OAS3: variants seen among roughly 807,000 people sequenced by gnomAD.
The protein encoded by OAS3 is 2'-5'-oligoadenylate synthase 3.
Under a neutral mutation model 113.0 loss-of-function variants are expected in OAS3, and 107 were observed. The ratio of observed to expected loss-of-function variants is 0.95; its 90% CI spans 0.81 to 1.11. The LOEUF is 1.11. Among genes scored for constraint, OAS3 ranks in the 50% most tolerant of loss-of-function variants. The pLI, the probability that OAS3 is intolerant of heterozygous loss-of-function variation, is 0.00. For synonymous variants in OAS3, 552 were observed against 573.6 expected (o/e 0.96, Z 0.54); for missense variants, 1,258 against 1,389.1 (o/e 0.91, Z 1.50).
Position 112,950,701 on chromosome 12 carries a change from AT to A in OAS3, c.1386del (p.Phe462LeufsTer7), listed in dbSNP as rs2043781787. On this transcript the variant is annotated frameshift_variant, in exon 7 of 16. Transcript: ENST00000228928. LOFTEE classifies it high-confidence loss of function. ...KASRVSKGGSFGRGTDLRDGC... is the reference protein window; with the variant it reads ...KASRVSKGGSXGRGTDLRDGC... Reference sequence around the variant, plus strand: ...TGTTCTTCCCTCCACAGGGGGGCTCATTTGGCCGGGGCACAGACCTAAGGGA... The same window carrying A: ...TGTTCTTCCCTCCACAGGGGGGCTCATTGGCCGGGGCACAGACCTAAGGGA... 6.8e-6 allele frequency: 11 copies of A among 1,613,970 alleles called. No homozygotes were observed. The highest frequency in any genetic ancestry group is 9.3e-6 in the Non-Finnish European group (11 of 1,179,866).
chr12:112,954,284 G>GT lies in OAS3; in HGVS notation c.1657+3311dup, dbSNP rs527468076. On this transcript the variant is annotated intron_variant, in intron 7 of 15. Coordinates refer to ENST00000228928, the MANE Select transcript of OAS3 (RefSeq NM_006187.4). This position sits in a 1 kb window ranked among gnomAD's most constrained non-coding sequence, Gnocchi z 4.0. ...TTCTTGTTTGTCTGTTTGTTTGTTT[G>GT]TTGTTGTTGTTGTTGTTGTTGTTTG... Among the ~76,000 whole-genome samples the GT allele has an allele frequency of 3.4e-5, 4 of 115,990 alleles. No individual in the cohort carries two copies. The South Asian group carries it at 1.1e-3, about 31-fold the overall frequency. The allele number at this position is 115,990 out of a possible 152,430, so 76.1% of individuals were successfully genotyped here. A position where few individuals can be genotyped will look rare whatever the true frequency, so the allele number is the denominator to read the frequency against.
At chr12:112,942,298 TA>T (rs1271622532) in intron 2 of OAS3, 1 of 286,992 alleles carries the variant, frequency 3.5e-6, no homozygotes, top group Non-Finnish European at 6.5e-6. Context: ...TGAGTTAAGA[TA>T]AAAATAGGCC....
intron 6 of OAS3, 132 bp downstream of exon 6, chr12:112,949,337 T>A (rs1218430702): frequency 2.1e-5 from 14 of 674,206 alleles, no homozygotes; most frequent in Non-Finnish European, 3.4e-5. Flanking sequence ...TTTGCTGGCT[T>A]AAATAAAATA....
intron 7 of OAS3, among the ~76,000 whole-genome samples, chr12:112,958,722 G>A (rs1593181628): frequency 6.6e-6 from 1 of 152,250 alleles, no homozygotes; most frequent in South Asian, 2.1e-4. Context: ...TCTCAGAGGG[G>A]CACCCAGCCA....
At chr12:112,960,605 T>C (rs945266385) in intron 7 of OAS3, among the ~76,000 whole-genome samples, 3 of 152,186 alleles carry the variant, frequency 2.0e-5, no homozygotes, top group African/African-American at 7.2e-5. Flanking sequence ...TAGATTTCAA[T>C]TGATTCTTAC....
chr12:112,939,664 C>A (rs1403441545), intron 1 of OAS3, among the ~76,000 whole-genome samples: 1 of 152,104 alleles, frequency 6.6e-6, no homozygotes, highest in Non-Finnish European at 1.5e-5. Flanking sequence ...CCATGTTGCC[C>A]AGGCTCCGGG....
At chr12:112,969,181 A>G (rs1295722640) in intron 14 of OAS3, among the ~76,000 whole-genome samples, 1 of 152,236 alleles carries the variant, frequency 6.6e-6, no homozygotes, top group Non-Finnish European at 1.5e-5. Context: ...TTGGATTTTC[A>G]AATTAGGGAT....
At chr12:112,956,127 G>A (rs999243812) in intron 7 of OAS3, among the ~76,000 whole-genome samples, 1 of 152,106 alleles carries the variant, frequency 6.6e-6, no homozygotes, top group Non-Finnish European at 1.5e-5. Flanking sequence ...TTTGTGTAGA[G>A]GTGTTTATAG....
chr12:112,966,706 A>G (rs1243289771), intron 12 of OAS3, among the ~76,000 whole-genome samples: 1 of 152,190 alleles, frequency 6.6e-6, no homozygotes, highest in Non-Finnish European at 1.5e-5. Flanking sequence ...CAGTGGCACC[A>G]TCATGACTCA....
At chr12:112,962,533 A>C in intron 8 of OAS3, 119 bp from the exon 9 acceptor site, 1 of 1,220,380 alleles carries the variant, frequency 8.2e-7, no homozygotes, top group Non-Finnish European at 1.2e-6. Flanking sequence ...AAGCATCAGC[A>C]AGTTTCTATT....
intron 1 of OAS3, among the ~76,000 whole-genome samples, chr12:112,940,031 C>T (rs1244438245): frequency 6.6e-6 from 1 of 152,162 alleles, no homozygotes; most frequent in Non-Finnish European, 1.5e-5. Flanking sequence ...TCCTTAGCTT[C>T]CCTGGAAAGG....
rs759574724 is a variant in OAS3, at chr12:112,965,764, C to A, written c.2424C>A (p.Gly808=). 3 of 1,611,908 alleles carry A rather than the reference C, an allele frequency of 1.9e-6. No homozygotes were observed. Among genetic ancestry groups the A allele is most frequent in the Non-Finnish European group, 2.5e-6 (3 of 1,179,638 alleles). Reference sequence around the variant, plus strand: ...TCCAGGGTGGCTCTTCAGCCAAAGGCACAGCTCTGCGAGGCCGCTCAGATG... The same window carrying A: ...TCCAGGGTGGCTCTTCAGCCAAAGGAACAGCTCTGCGAGGCCGCTCAGATG... The part of the protein sequence containing the change: ...KVVKGGSSAK[G]TALRGRSDAD... The change falls in exon 12 of 16, where the codon GGC becomes GGA. Residue 808 remains glycine, a synonymous_variant. Coordinates refer to ENST00000228928, the MANE Select transcript of OAS3 (RefSeq NM_006187.4).
rs1424833047 is a variant in OAS3, at chr12:112,970,113, C to T, written c.*140C>T. 3.3e-5 allele frequency: 32 copies of T among 971,814 alleles called. No individual in the cohort carries two copies. The highest frequency in any genetic ancestry group is 4.3e-4 in the Middle Eastern group (2 of 4,656). 60.2% of individuals were successfully genotyped at this position (971,814 alleles called of 1,614,324 possible). A position where few individuals can be genotyped will look rare whatever the true frequency, so the allele number is the denominator to read the frequency against. Reference sequence around the variant, plus strand: ...GCACATGTGTGCATGTGTGTGCACACGTGTGCATGTGTGTGTTTTAGTGAA... The same window carrying T: ...GCACATGTGTGCATGTGTGTGCACATGTGTGCATGTGTGTGTTTTAGTGAA... On this transcript the variant is annotated 3_prime_UTR_variant, in exon 16 of 16. Coordinates refer to ENST00000228928, the MANE Select transcript of OAS3 (RefSeq NM_006187.4).
intron 5 of OAS3, among the ~76,000 whole-genome samples, 196 bp downstream of exon 5, chr12:112,948,295 G>GC (rs1401451019): frequency 2.0e-5 from 3 of 152,104 alleles, no homozygotes; most frequent in Admixed American, 6.6e-5. Flanking sequence ...CAGAGGTCAG[G>GC]AGTTCGAGAC....
At chr12:112,939,306 CTTTTTTTTTTTT>C (rs58792765) in intron 1 of OAS3, among the ~76,000 whole-genome samples, 7 of 68,302 alleles carry the variant, frequency 1.0e-4, no homozygotes, top group Non-Finnish European at 1.6e-4. Context: ...TGAGTCACAT[CTTTTTTTTTTTT>C]TTTTTTTTTT....
chr12:112,949,263 G>C (rs998041906), intron 6 of OAS3, 58 bp downstream of exon 6: 2 of 1,483,714 alleles, frequency 1.3e-6, no homozygotes, highest in Non-Finnish European at 1.8e-6. Flanking sequence ...GCGTGGGGAA[G>C]GGAAGGAGTT....
In OAS3 at chr12:112,950,956, G is replaced by A. The variant is rs773427725; in HGVS notation, c.1638G>A (p.Leu546=). 2 of 1,613,386 alleles carry A rather than the reference G, an allele frequency of 1.2e-6. No individual in the cohort carries two copies. The highest frequency in any genetic ancestry group is 3.3e-5 in the Admixed American group (2 of 60,030). The change falls in exon 7 of 16, where the codon CTG becomes CTA. Residue 546 remains leucine (L), a synonymous_variant. Coordinates refer to ENST00000228928, the MANE Select transcript of OAS3 (RefSeq NM_006187.4). ...AGAGCTGGACGGATGTTAGCCTGCT[G>A]CCTGCCTTCGATGCTGTGGGTGAGG... ...ALKSWTDVSL[L]PAFDAVGQLS...
In OAS3 at chr12:112,971,455, T is replaced by C. The variant is rs2072133; in HGVS notation, c.*1482T>C. 26,367 of 152,514 alleles carry C rather than the reference T, an allele frequency of 0.17. 2,418 individuals are homozygous for C. Among genetic ancestry groups the C allele is most frequent in the East Asian group, 0.32 (1,688 of 5,212 alleles). 9.4% of individuals were successfully genotyped at this position (152,514 alleles called of 1,614,324 possible). A position where few individuals can be genotyped will look rare whatever the true frequency, so the allele number is the denominator to read the frequency against. ...GCAGAGGAGTCTGAGACATGTATGA[T>C]TGAATGGGTGCCAAGTGCCAGGGGG... On this transcript the variant is annotated 3_prime_UTR_variant, in exon 16 of 16. Transcript: ENST00000228928.
intron 7 of OAS3, among the ~76,000 whole-genome samples, chr12:112,951,636 T>C (rs1053018805): frequency 2.6e-5 from 4 of 152,146 alleles, no homozygotes; most frequent in African/African-American, 9.7e-5. Flanking sequence ...TCAGAAAACA[T>C]ACTTTATGTG....
Sources: allele counts gnomAD v4.1 joint callset (sites outside exome capture counted in the v4.1 genomes callset), GRCh38; gene constraint gnomAD v4.1.1; non-coding constraint Gnocchi (gnomAD v3.1); transcripts MANE v1.5; gene names NCBI Gene and HGNC (gene_info 2026-07-23, HGNC 2026-07-21).